POU2F2: variants seen among roughly 807,000 people sequenced by gnomAD.
POU2F2 encodes the protein POU domain, class 2, transcription factor 2.
In POU2F2, 14 loss-of-function variants were observed where a neutral mutation model predicts 63.5. The observed-to-expected ratio is 0.22, with a 90% CI of 0.15 to 0.34. The LOEUF (loss-of-function observed/expected upper bound fraction) is 0.34. Ranked by LOEUF, POU2F2 falls within the 10% of genes least tolerant of loss-of-function variation. POU2F2 has a pLI of 1.00. For missense variants in POU2F2, 607 were observed against 815.2 expected, an observed-to-expected ratio of 0.74 and a Z score of 3.11; for synonymous variants, 306 against 348.6, an observed-to-expected ratio of 0.88 and a Z score of 1.36.
intron 5 of POU2F2, among the ~76,000 whole-genome samples, chr19:42,108,532 G>A (rs555857911): frequency 1.3e-5 from 2 of 152,166 alleles, no homozygotes; most frequent in African/African-American, 2.4e-5. Context: ...CCATGGTCAC[G>A]CCACTGCACT....
At chr19:42,140,655 T>G (rs1485190218) in intron 2 of POU2F2, among the ~76,000 whole-genome samples, 1 of 152,222 alleles carries the variant, frequency 6.6e-6, no homozygotes, top group Non-Finnish European at 1.5e-5. Flanking sequence ...CAGTTTTATT[T>G]CCTTCAGAGC....
chr19:42,128,085 C>A (rs565233033), intron 1 of POU2F2, among the ~76,000 whole-genome samples: 1 of 152,240 alleles, frequency 6.6e-6, no homozygotes, highest in African/African-American at 2.4e-5. Context: ...TTCTGGGCTT[C>A]ACTGACCCTG....
At position 42,155,078 on chromosome 19, in the gene POU2F2, G is replaced by A. The variant is rs937770927; in HGVS notation, c.-9+5254C>T. The stretch of plus-strand genomic sequence containing the variant: ...GCATGGCCAGCCTGGGGGGTGGGGG[G>A]CCAGGTGTGAGGTCCTTCCTTCCTG... On this transcript the variant is annotated intron_variant, in intron 2 of 6. Transcript: ENST00000524801. The surrounding 1 kb of genome is among the most constrained non-coding windows in gnomAD (Gnocchi z 4.2). 1.3e-5 allele frequency among the ~76,000 whole-genome samples: 2 copies of A among 152,184 alleles called. No homozygotes were observed. The highest frequency in any genetic ancestry group is 1.9e-4 in the East Asian group (1 of 5,198).
intron 1 of POU2F2, among the ~76,000 whole-genome samples, chr19:42,171,910 C>T (rs984611211): frequency 3.9e-5 from 6 of 152,066 alleles, no homozygotes; most frequent in African/African-American, 1.2e-4. Context: ...TAGACAAGTC[C>T]GTATTGTCCA....
intron 5 of POU2F2, among the ~76,000 whole-genome samples, chr19:42,101,436 A>C (rs1022786097): frequency 2.0e-4 from 31 of 152,180 alleles, no homozygotes; most frequent in Admixed American, 2.0e-3. Flanking sequence ...TTGGACATAG[A>C]CATGGATAAC....
chr19:42,181,949 C>G (rs955615793), intron 1 of POU2F2, among the ~76,000 whole-genome samples: 2 of 152,042 alleles, frequency 1.3e-5, no homozygotes, highest in Non-Finnish European at 2.9e-5. Flanking sequence ...GCATCTGTGG[C>G]CATGTGTGTG....
chr19:42,132,618 A>C, upstream of POU2F2: 1 of 428,672 alleles, frequency 2.3e-6, no homozygotes, highest in South Asian at 6.5e-5. Flanking sequence ...GGTGGGGGCT[A>C]GTGGGGCAGA....
At chr19:42,104,808 C>T (rs936635324) in intron 5 of POU2F2, among the ~76,000 whole-genome samples, 1 of 152,122 alleles carries the variant, frequency 6.6e-6, no homozygotes, top group African/African-American at 2.4e-5. Context: ...CCCCCACCCA[C>T]CCAAACAGTC....
At chr19:42,114,133 C>T (rs1386392945) in intron 5 of POU2F2, among the ~76,000 whole-genome samples, 2 of 152,008 alleles carry the variant, frequency 1.3e-5, no homozygotes, top group East Asian at 1.9e-4. Flanking sequence ...CTGGGCTATA[C>T]GGCAGGTGGT....
intron 5 of POU2F2, among the ~76,000 whole-genome samples, chr19:42,115,101 TA>T (rs1390472781): frequency 6.6e-6 from 1 of 151,660 alleles, no homozygotes; most frequent in Non-Finnish European, 1.5e-5. Flanking sequence ...CAGTGAGCCA[TA>T]ATCCGCCACT....
At chr19:42,134,866 C>T (rs184596479), upstream of POU2F2, among the ~76,000 whole-genome samples, 1 of 152,118 alleles carries the variant, frequency 6.6e-6, no homozygotes, top group South Asian at 2.1e-4. Context: ...AGACAATAAT[C>T]GCTTGTACGC....
chr19:42,184,561 G>A (rs2034994619), intron 1 of POU2F2, among the ~76,000 whole-genome samples: 1 of 152,086 alleles, frequency 6.6e-6, no homozygotes, highest in African/African-American at 2.4e-5. Flanking sequence ...ACACCTCCAA[G>A]TCCAGGCCCA....
chr19:42,161,478 C>T (rs2034550286), intron 1 of POU2F2, among the ~76,000 whole-genome samples: 1 of 152,172 alleles, frequency 6.6e-6, no homozygotes, highest in African/African-American at 2.4e-5. Context: ...AGAGGGTTTG[C>T]TGAGCCTCTC....
intron 1 of POU2F2, among the ~76,000 whole-genome samples, chr19:42,188,939 GGAAGGAAGGA>G (rs1351587480): frequency 6.6e-5 from 10 of 151,226 alleles, no homozygotes; most frequent in African/African-American, 2.4e-4. Flanking sequence ...AAGGAAGGAA[GGAAGGAAGGA>G]AGGGAGTTTT....
upstream of POU2F2, among the ~76,000 whole-genome samples, chr19:42,133,766 A>C (rs2033916126): frequency 6.6e-6 from 1 of 151,898 alleles, no homozygotes; most frequent in Non-Finnish European, 1.5e-5. The surrounding 1 kb of genome is among the most constrained non-coding windows in gnomAD (Gnocchi z 5.1). Flanking sequence ...CATGGGCACA[A>C]GGGCACTTCT....
At chr19:42,131,866 C>T (rs1478042098) in intron 1 of POU2F2, among the ~76,000 whole-genome samples, 1 of 152,040 alleles carries the variant, frequency 6.6e-6, no homozygotes, top group East Asian at 1.9e-4. Context: ...AATCATCACC[C>T]CACAATGCCA....
intron 1 of POU2F2, among the ~76,000 whole-genome samples, chr19:42,160,937 C>T (rs909574804): frequency 1.3e-5 from 2 of 152,216 alleles, no homozygotes; most frequent in South Asian, 2.1e-4. Flanking sequence ...CTGACTTGTA[C>T]ATTTGTCCAT....
rs1236480544 is a variant in POU2F2 at position 42,091,250 on chromosome 19, C to CTGG, written c.*4_*6dup. 6.6e-7 allele frequency: 1 copy of CTGG among 1,525,914 alleles called. No individual in the cohort carries two copies. Among genetic ancestry groups the CTGG allele is most frequent in the African/African-American group, 1.4e-5 (1 of 72,946 alleles). 94.5% of individuals were successfully genotyped at this position (1,525,914 alleles called of 1,614,324 possible). ...CAGAGGAATGGGAGGGGAGGCATGGCTGGCCCTCACTCAGGTTTGGACCCT... is the reference window on the plus strand; with the variant it reads ...CAGAGGAATGGGAGGGGAGGCATGGCTGGTGGCCCTCACTCAGGTTTGGACCCT... On this transcript the variant is annotated 3_prime_UTR_variant, in exon 15 of 15. Transcript: ENST00000692977.
At chr19:42,124,671 G>A (rs1195300) in intron 1 of POU2F2, among the ~76,000 whole-genome samples, 7,326 of 152,314 alleles carry the variant, frequency 0.048, 538 homozygotes, top group African/African-American at 0.16. Context: ...CTAAGGGGCC[G>A]TCAACAGGTG....
Sources: allele counts gnomAD v4.1 joint callset (sites outside exome capture counted in the v4.1 genomes callset), GRCh38; gene constraint gnomAD v4.1.1; non-coding constraint Gnocchi (gnomAD v3.1); transcripts MANE v1.5; gene names NCBI Gene and HGNC (gene_info 2026-07-23, HGNC 2026-07-21).